Variants in RTN4 observed in about 807,000 individuals in gnomAD.
The protein encoded by RTN4 is reticulon 4.
A neutral mutation model predicts 90.4 loss-of-function variants in RTN4; 32 were observed. The observed-to-expected ratio is 0.35, with a 90% CI of 0.27 to 0.48. The LOEUF (loss-of-function observed/expected upper bound fraction) is 0.48, where lower values mean the gene tolerates loss of function less well. RTN4 is among the 20% of genes least tolerant of loss of function. The probability of loss-of-function intolerance (pLI) is 0.99; values close to 1 mark genes in which losing one functional copy is unlikely to be tolerated. For missense variants in RTN4, 1,706 were observed against 1,430.2 expected (o/e 1.19, Z -3.11); for synonymous variants, 629 against 552.5 (o/e 1.14, Z -1.94).
At chr2:55,084,162 C>T (rs535059806) in intron 1 of RTN4, among the ~76,000 whole-genome samples, 10 of 152,236 alleles carry the variant, frequency 6.6e-5, no homozygotes, top group East Asian at 1.9e-4. Flanking sequence ...CCCCAAACTA[C>T]GGGGTTCAGA....
At chr2:55,013,181 T>C (rs1372756172) in intron 3 of RTN4, among the ~76,000 whole-genome samples, 1 of 152,266 alleles carries the variant, frequency 6.6e-6, no homozygotes, top group East Asian at 1.9e-4. Flanking sequence ...CCCTATTTCA[T>C]ATTGTGTGTT....
At position 55,050,363 on chromosome 2, in the gene RTN4, C is replaced by G. The variant is rs960914362; in HGVS notation, c.-63G>C. 2 of 1,167,582 alleles carry G rather than the reference C, an allele frequency of 1.7e-6. No individual in the cohort carries two copies. The highest frequency in any genetic ancestry group is 3.2e-5 in the African/African-American group (2 of 62,724). The allele number at this position is 1,167,582 out of a possible 1,614,324, so 72.3% of individuals were successfully genotyped here. A position where few individuals can be genotyped will look rare whatever the true frequency, so the allele number is the denominator to read the frequency against. On this transcript the variant is annotated 5_prime_UTR_variant, in exon 1 of 9. Coordinates refer to ENST00000337526, the MANE Select transcript of RTN4 (RefSeq NM_020532.5). The surrounding 1 kb of genome is among the most constrained non-coding windows in gnomAD (Gnocchi z 4.6). Reference sequence around the variant, plus strand: ...CGCCGCCGGGGCCGCGTCTCAGAGCCGCGGGCGGTTGTGGGGGTTGGGGAG... The same window carrying G: ...CGCCGCCGGGGCCGCGTCTCAGAGCGGCGGGCGGTTGTGGGGGTTGGGGAG...
At chr2:54,981,182 G>C (rs564400383) in intron 5 of RTN4, among the ~76,000 whole-genome samples, 3 of 152,182 alleles carry the variant, frequency 2.0e-5, no homozygotes, top group African/African-American at 7.2e-5. Context: ...ATAAAAATAA[G>C]AGATGCGGCT....
At chr2:54,980,876 AGAAG>A (rs1027258829) in intron 5 of RTN4, among the ~76,000 whole-genome samples, 8 of 152,236 alleles carry the variant, frequency 5.3e-5, no homozygotes, top group Non-Finnish European at 8.8e-5. Context: ...AGCTACGTAT[AGAAG>A]GTAATAATAC....
intron 3 of RTN4, among the ~76,000 whole-genome samples, chr2:55,017,884 T>C (rs1381186385): frequency 6.6e-6 from 1 of 152,164 alleles, no homozygotes; most frequent in Non-Finnish European, 1.5e-5. Context: ...AGATATATGA[T>C]AAAAGCAGTA....
chr2:55,131,216 G>GTT, the RTN4 span, among the ~76,000 whole-genome samples: 56 of 145,812 alleles, frequency 3.8e-4, no homozygotes, highest in African/African-American at 7.6e-4. Flanking sequence ...TGTTTTTTGG[G>GTT]TTTTTTTTTT....
At chr2:55,080,744 T>A (rs1455528947) in intron 1 of RTN4, 3 of 152,248 alleles carry the variant, frequency 2.0e-5, no homozygotes, top group African/African-American at 7.2e-5. Flanking sequence ...TAACTGGGCA[T>A]ATGACCCTTC....
intron 3 of RTN4, among the ~76,000 whole-genome samples, chr2:55,017,170 AT>A (rs1681102819): frequency 6.6e-6 from 1 of 152,208 alleles, no homozygotes; most frequent in African/African-American, 2.4e-5. Flanking sequence ...TCCAACTTAC[AT>A]CAAAATTTTC....
intron 1 of RTN4, among the ~76,000 whole-genome samples, chr2:55,093,017 A>ATGTGTGTGTGT (rs1226793931): frequency 1.3e-5 from 2 of 152,244 alleles, no homozygotes; most frequent in East Asian, 3.8e-4. Context: ...TAATAAAAAT[A>ATGTGTGTGTGT]ACCATTGTGT....
chr2:54,988,178 A>G (rs1300340186), intron 3 of RTN4, among the ~76,000 whole-genome samples: 1 of 152,134 alleles, frequency 6.6e-6, no homozygotes, highest in Non-Finnish European at 1.5e-5. Context: ...TTAGTGAGGC[A>G]TGGTGGCGCA....
At chr2:55,093,653 G>T (rs941710168) in intron 1 of RTN4, among the ~76,000 whole-genome samples, 3 of 152,106 alleles carry the variant, frequency 2.0e-5, no homozygotes, top group Admixed American at 2.0e-4. Flanking sequence ...ACGAGGCCAG[G>T]GGGGATTAGG....
intron 1 of RTN4, among the ~76,000 whole-genome samples, chr2:55,033,059 A>G (rs559943147): frequency 2.0e-5 from 3 of 151,788 alleles, no homozygotes; most frequent in East Asian, 1.9e-4. Flanking sequence ...TTAAAAAAAA[A>G]AAAAAAGAAA....
rs944269744 is a variant in RTN4 at position 55,006,525 on chromosome 2, A to T, written c.3013+18561T>A. On this transcript the variant is annotated intron_variant, in intron 3 of 8. Transcript: ENST00000337526. ...ATCAGAGAGCCCTAAAAGAATCTCT[A>T]CACGGAAGTATGCTGCAGAAATGGT... Among the ~76,000 whole-genome samples the T allele has an allele frequency of 2.0e-5, 3 of 152,188 alleles. No homozygotes were observed. The South Asian group carries it at 6.2e-4, about 31-fold the overall frequency.
chr2:55,136,455 C>G, the RTN4 span, among the ~76,000 whole-genome samples: 4 of 152,212 alleles, frequency 2.6e-5, no homozygotes, highest in Non-Finnish European at 5.9e-5. Context: ...TCAAGTCGCC[C>G]GCTTGGCCCT....
rs11289091 is a variant in RTN4, at chr2:55,110,310, C to CAAAA, written c.-214+2206_-214+2209dup. On this transcript the variant is annotated intron_variant, in intron 1 of 3. Transcript: ENST00000427710. The stretch of plus-strand genomic sequence containing the variant: ...TAGGTGACAGAGGGAGACCCTGTCT[C>CAAAA]AAAAAAAAAAAAAAAAAAAAATTCT... Among the ~76,000 whole-genome samples the CAAAA allele has an allele frequency of 1.4e-4, 13 of 96,238 alleles. No homozygotes were observed. The South Asian group carries it at 4.9e-3, about 36-fold the overall frequency. The allele number at this position is 96,238 out of a possible 152,430, so 63.1% of individuals were successfully genotyped here. A position where few individuals can be genotyped will look rare whatever the true frequency, so the allele number is the denominator to read the frequency against.
rs955370766 is a variant in RTN4, at chr2:55,104,982, T to C, written c.-214+7538A>G. Among the ~76,000 whole-genome samples the C allele has an allele frequency of 3.3e-5, 5 of 151,810 alleles. No individual in the cohort carries two copies. The South Asian group carries it at 6.2e-4, about 19-fold the overall frequency. The stretch of plus-strand genomic sequence containing the variant: ...CCACTACGCCAGGCTAATTTTTATA[T>C]TTTTTGTAGAGATGAGGTTTTGCCA... On this transcript the variant is annotated intron_variant, in intron 1 of 3. Transcript: ENST00000427710.
In RTN4 at chr2:55,050,187, C is replaced by T. The variant is rs1050036674; in HGVS notation, c.114G>A (p.Glu38=). The T allele has an allele frequency of 1.1e-5, 17 of 1,570,512 alleles. No individual in the cohort carries two copies. Among genetic ancestry groups the T allele is most frequent in the African/African-American group, 2.8e-5 (2 of 71,874 alleles). ...VREPEDEEEE[E]EEEEEDEDED... ...CGTCCTCGTCCTCCTCTTCCTCCTC[C>T]TCTTCTTCCTCCTCGTCCTCGGGCT... Residue 38 remains glutamate, a synonymous_variant, in exon 1 of 9, where the codon GAG becomes GAA. Coordinates refer to ENST00000337526, the MANE Select transcript of RTN4 (RefSeq NM_020532.5). This position sits in a 1 kb window ranked among gnomAD's most constrained non-coding sequence, Gnocchi z 4.6.
chr2:55,096,609 T>A (rs1667723529), intron 1 of RTN4, among the ~76,000 whole-genome samples: 1 of 152,188 alleles, frequency 6.6e-6, no homozygotes, highest in Non-Finnish European at 1.5e-5. Flanking sequence ...GGCTAAATAA[T>A]CCCACTTAGG....
At chr2:55,084,549 T>C (rs1241324289) in intron 1 of RTN4, among the ~76,000 whole-genome samples, 1 of 152,180 alleles carries the variant, frequency 6.6e-6, no homozygotes, top group Non-Finnish European at 1.5e-5. Context: ...TGGGAACCTC[T>C]GATTTGTAAC....
Sources: allele counts gnomAD v4.1 joint callset (sites outside exome capture counted in the v4.1 genomes callset), GRCh38; gene constraint gnomAD v4.1.1; non-coding constraint Gnocchi (gnomAD v3.1); transcripts MANE v1.5; gene names NCBI Gene and HGNC (gene_info 2026-07-23, HGNC 2026-07-21).